The following FAT3 variants were observed in gnomAD, a reference collection of about 807,000 sequenced individuals.
FAT3 encodes FAT atypical cadherin 3.
A neutral mutation model predicts 310.2 loss-of-function variants in FAT3; 95 were observed. The observed-to-expected ratio is 0.31, with a 90% CI of 0.26 to 0.36. FAT3 has a LOEUF of 0.36. FAT3 is among the 10% of genes least tolerant of loss of function. The pLI is 1.00. For synonymous variants in FAT3, 2,314 were observed against 2,192.9 expected (o/e 1.06, Z -1.54); for missense variants, 5,408 against 5,715.6 (o/e 0.95, Z 1.74).
chr11:92,571,408 C>T (rs930189986), intron 3 of FAT3, among the ~76,000 whole-genome samples: 1 of 152,168 alleles, frequency 6.6e-6, no homozygotes. Context: ...GCTATCACCG[C>T]AGGACCTGCA....
rs1590985642 is a variant in FAT3 at position 92,235,122 on chromosome 11, G to A, written c.-18+9948G>A. ...AGAAGGGCCAGGCCAGTCCAACCCAGAATCATACCTCTGACAATGTCAGTA... is the reference window on the plus strand; with the variant it reads ...AGAAGGGCCAGGCCAGTCCAACCCAAAATCATACCTCTGACAATGTCAGTA... On this transcript the variant is annotated intron_variant, in intron 1 of 27. Transcript: ENST00000525166. Among the ~76,000 whole-genome samples, 6 of 150,810 alleles carry A rather than the reference G, an allele frequency of 4.0e-5. No individual in the cohort carries two copies. The South Asian group carries it at 1.3e-3, about 32-fold the overall frequency.
Position 92,837,730 on chromosome 11 carries a change from C to G in FAT3, c.10292C>G (p.Thr3431Ser). 1 of 1,613,988 alleles carries G rather than the reference C, an allele frequency of 6.2e-7. No homozygotes were observed. Among genetic ancestry groups the G allele is most frequent in the Admixed American group, 1.7e-5 (1 of 60,024 alleles). ...SGIPAMSSTA[T>S]VNIDISDVND... ...ATTCCTGCAATGTCATCAACTGCAACTGTCAACATTGATATTTCTGATGTG... is the reference window on the plus strand; with the variant it reads ...ATTCCTGCAATGTCATCAACTGCAAGTGTCAACATTGATATTTCTGATGTG... Residue 3431 changes from threonine to serine, a missense_variant, in exon 17 of 28, where the codon ACT becomes AGT. By Grantham distance (58) the Thr-to-Ser change is moderately conservative (BLOSUM62 1). Coordinates refer to ENST00000525166, the MANE Select transcript of FAT3 (RefSeq NM_001367949.2).
chr11:92,704,772 A>G (rs976199689), intron 4 of FAT3, among the ~76,000 whole-genome samples: 4 of 152,148 alleles, frequency 2.6e-5, no homozygotes, highest in Non-Finnish European at 5.9e-5. Flanking sequence ...ACTTTAGTCT[A>G]TGTTCCTCGG....
intron 4 of FAT3, among the ~76,000 whole-genome samples, chr11:92,716,975 G>A (rs1944709348): frequency 6.8e-6 from 1 of 147,794 alleles, no homozygotes; most frequent in Admixed American, 6.7e-5. Flanking sequence ...TCAAGATTCT[G>A]CCATATATTT....
At chr11:92,337,750 A>G (rs1406292715) in intron 1 of FAT3, among the ~76,000 whole-genome samples, 1 of 152,240 alleles carries the variant, frequency 6.6e-6, no homozygotes, top group African/African-American at 2.4e-5. Context: ...TCTTGAAAAC[A>G]ATAGTATAGT....
chr11:92,765,015 G>GTGAT lies in FAT3; in HGVS notation c.4122_4125dup (p.Arg1376Ter). 1 of 1,613,906 alleles carries GTGAT rather than the reference G, an allele frequency of 6.2e-7. No homozygotes were observed. The stretch of plus-strand genomic sequence containing the variant: ...TTTTATAACTTCACAGTCATGGAAA[G>GTGAT]TGATAGAGTGACTGAAATTGTAGGG... On this transcript the variant is annotated frameshift_variant, in exon 6 of 28. Coordinates refer to ENST00000525166, the MANE Select transcript of FAT3 (RefSeq NM_001367949.2). LOFTEE classifies it high-confidence loss of function.
chr11:92,451,859 A>G (rs1951360937), intron 2 of FAT3, among the ~76,000 whole-genome samples: 3 of 152,210 alleles, frequency 2.0e-5, no homozygotes, highest in Admixed American at 2.0e-4. Context: ...GCATTTCTGC[A>G]TGTCATGGTC....
intron 1 of FAT3, among the ~76,000 whole-genome samples, chr11:92,335,047 C>T (rs969527340): frequency 6.6e-6 from 1 of 152,128 alleles, no homozygotes; most frequent in Non-Finnish European, 1.5e-5. Flanking sequence ...GATGTCGCCA[C>T]AATGTTTGAT....
rs2136450797 is a variant in FAT3 at position 92,891,093 on chromosome 11, C to A, written c.13750C>A (p.Gln4584Lys). The A allele has an allele frequency of 6.2e-7, 1 of 1,613,686 alleles. No individual in the cohort carries two copies. Among genetic ancestry groups the A allele is most frequent in the Non-Finnish European group, 8.5e-7 (1 of 1,179,810 alleles). Residue 4584 changes from glutamine to lysine, a missense_variant, in exon 28 of 28, where the codon CAG becomes AAG. By Grantham distance (53) the Gln-to-Lys change is moderately conservative. Transcript: ENST00000525166. ...CCTTCACATTCCCTTTGTGGAGACT[C>A]AGCATCAGACTCAAGTGTAGACATC... is the stretch of plus-strand genomic sequence containing the variant. The part of the protein sequence containing the change: ...ASLHIPFVET[Q>K]HQTQV
intron 1 of FAT3, among the ~76,000 whole-genome samples, chr11:92,296,234 T>C (rs116413323): frequency 1.2e-3 from 182 of 152,172 alleles, no homozygotes; most frequent in African/African-American, 4.1e-3. Context: ...TAGCTAAGAG[T>C]GTGTGGTTAA....
At chr11:92,433,102 C>A (rs900624906) in intron 2 of FAT3, among the ~76,000 whole-genome samples, 1 of 152,092 alleles carries the variant, frequency 6.6e-6, no homozygotes, top group African/African-American at 2.4e-5. Flanking sequence ...GCTCAAGTGT[C>A]CCGGGTGGAC....
Position 92,557,194 on chromosome 11 carries a change from T to C in FAT3, c.3607+32246T>C, listed in dbSNP as rs114052332. Among the ~76,000 whole-genome samples the C allele has an allele frequency of 4.0e-3, 610 of 152,166 alleles. 5 individuals are homozygous for C. The highest frequency in any genetic ancestry group is 0.014 in the African/African-American group (587 of 41,520). ...AACTTGGTTCGGATTTTATGGAGGA[T>C]GTTGACTCCATCTGACGTAAGTTTC... is the stretch of plus-strand genomic sequence containing the variant. On this transcript the variant is annotated intron_variant, in intron 3 of 27. Transcript: ENST00000525166.
At chr11:92,609,831 G>A (rs1176594606) in intron 3 of FAT3, among the ~76,000 whole-genome samples, 4 of 152,042 alleles carry the variant, frequency 2.6e-5, no homozygotes, top group Non-Finnish European at 5.9e-5. Context: ...TCATATATTA[G>A]CATTTTGTGG....
At chr11:92,749,901 T>G (rs1434442048) in intron 4 of FAT3, among the ~76,000 whole-genome samples, 1 of 152,218 alleles carries the variant, frequency 6.6e-6, no homozygotes, top group Non-Finnish European at 1.5e-5. Flanking sequence ...AAGGGTAACA[T>G]ATTATTAGTA....
intron 1 of FAT3, among the ~76,000 whole-genome samples, chr11:92,282,113 C>A (rs1393697917): frequency 3.3e-5 from 5 of 152,010 alleles, no homozygotes; most frequent in Admixed American, 2.6e-4. Context: ...ACCATGTTTG[C>A]CAGGCTGGCC....
At position 92,354,994 on chromosome 11, in the gene FAT3, A is replaced by G; in HGVS notation, c.2882A>G (p.His961Arg). ...VGTVIAWLETHDPDLGLGGQV... is the reference protein window; with the variant it reads ...VGTVIAWLETRDPDLGLGGQV... ...ACTGTCATTGCTTGGCTTGAGACCC[A>G]TGATCCAGATCTTGGACTGGGGGGT... is the stretch of plus-strand genomic sequence containing the variant. Residue 961 changes from histidine to arginine, a missense_variant, in exon 2 of 28, where the codon CAT (histidine) becomes CGT (arginine). His to Arg is a conservative substitution (Grantham distance 29, BLOSUM62 0). Around this residue, in one of 5 missense-constraint regions of FAT3, gnomAD observed 4,588 missense variants for 4,809.8 expected, o/e 0.95. Coordinates refer to ENST00000525166, the MANE Select transcript of FAT3 (RefSeq NM_001367949.2). 1.2e-6 allele frequency: 2 copies of G among 1,613,864 alleles called. No individual in the cohort carries two copies. Among genetic ancestry groups the G allele is most frequent in the Non-Finnish European group, 1.7e-6 (2 of 1,179,866 alleles).
chr11:92,374,790 T>TA (rs1433667841), intron 2 of FAT3, among the ~76,000 whole-genome samples: 3 of 152,178 alleles, frequency 2.0e-5, no homozygotes, highest in Non-Finnish European at 4.4e-5. Context: ...ATTGTATGCA[T>TA]ATATCCCATC....
chr11:92,395,898 G>A (rs1475888588), intron 2 of FAT3, among the ~76,000 whole-genome samples: 1 of 152,066 alleles, frequency 6.6e-6, no homozygotes, highest in Non-Finnish European at 1.5e-5. Context: ...CATTTTTGAT[G>A]TCTTCCTTGG....
intron 3 of FAT3, among the ~76,000 whole-genome samples, chr11:92,642,476 C>A (rs2135732311): frequency 6.6e-6 from 1 of 152,304 alleles, no homozygotes; most frequent in African/African-American, 2.4e-5. Flanking sequence ...GGCAGGAAGC[C>A]CATTCTGCTA....
Sources: allele counts gnomAD v4.1 joint callset (sites outside exome capture counted in the v4.1 genomes callset), GRCh38; gene constraint gnomAD v4.1.1; regional missense constraint gnomAD v4.1.1; transcripts MANE v1.5; gene names NCBI Gene and HGNC (gene_info 2026-07-23, HGNC 2026-07-21).